The following EIF3A variants were observed in gnomAD, a reference collection of about 807,000 sequenced individuals.
The protein encoded by EIF3A is eukaryotic translation initiation factor 3 subunit A.
Under a neutral mutation model 186.6 loss-of-function variants are expected in EIF3A, and 21 were observed. The observed-to-expected ratio is 0.11, with a 90% confidence interval of 0.08 to 0.16. The LOEUF is 0.16. Ranked by LOEUF, EIF3A falls within the 10% of genes least tolerant of loss-of-function variation. EIF3A has a pLI of 1.00. For synonymous variants in EIF3A, 563 were observed against 584.3 expected (o/e 0.96, Z 0.52); for missense variants, 1,306 against 1,796.3 (o/e 0.73, Z 4.93).
Position 119,073,122 on chromosome 10 carries a change from A to C in EIF3A, c.378-69T>G. On this transcript the variant is annotated intron_variant, in intron 3 of 21. Transcript: ENST00000369144. ...ACTTTGCCATGTGATTAAAAACCAA[A>C]ACAATGTTCATCAGAAAACAGTGCA... The C allele has an allele frequency of 2.8e-6, 4 of 1,442,350 alleles. No homozygotes were observed. In the South Asian group the frequency reaches 5.4e-5, roughly 19 times the overall value. The allele number at this position is 1,442,350 out of a possible 1,614,324, so 89.3% of individuals were successfully genotyped here.
intron 1 of EIF3A, among the ~76,000 whole-genome samples, chr10:119,078,436 T>C (rs938762098): frequency 6.6e-6 from 1 of 152,232 alleles, no homozygotes; most frequent in Non-Finnish European, 1.5e-5. Context: ...TAGGTCTAAA[T>C]ATTGTTAGGA....
intron 7 of EIF3A, among the ~76,000 whole-genome samples, chr10:119,064,698 C>G (rs2119819793): frequency 6.6e-6 from 1 of 152,132 alleles, no homozygotes; most frequent in Admixed American, 6.5e-5. Context: ...TACCCAGTGT[C>G]AGGTACTTCT....
rs1564747052 is a variant in EIF3A at position 119,035,979 on chromosome 10, T to C, written c.*60A>G. On this transcript the variant is annotated 3_prime_UTR_variant, in exon 22 of 22. Transcript: ENST00000369144. ...TAGATTGGTTGAAGCACAAGTATAA[T>C]AATCCTTGAATGTGATCAAACCTAT... The C allele has an allele frequency of 1.6e-5, 21 of 1,291,334 alleles. No homozygotes were observed. The highest frequency in any genetic ancestry group is 2.2e-5 in the Non-Finnish European group (20 of 890,316). 80.0% of individuals were successfully genotyped at this position (1,291,334 alleles called of 1,614,324 possible).
intron 17 of EIF3A, among the ~76,000 whole-genome samples, chr10:119,045,090 GCCTGC>G (rs1848266808): frequency 6.6e-6 from 1 of 151,748 alleles, no homozygotes; most frequent in African/African-American, 2.4e-5. Context: ...GACTACAAGC[GCCTGC>G]CTCCATGCCC....
At chr10:119,074,918 C>CAAAAA (rs1170284096) in intron 1 of EIF3A, among the ~76,000 whole-genome samples, 19 of 24,132 alleles carry the variant, frequency 7.9e-4, no homozygotes, top group Non-Finnish European at 1.3e-3. Flanking sequence ...AACTCCAACT[C>CAAAAA]AAAAAAAAAA....
intron 1 of EIF3A, among the ~76,000 whole-genome samples, chr10:119,077,685 G>C (rs1250920300): frequency 6.6e-6 from 1 of 151,598 alleles, no homozygotes; most frequent in East Asian, 2.0e-4. Context: ...TTCCTGAGTA[G>C]CTGGGACTAC....
At chr10:119,075,705 A>G (rs1270095683) in intron 1 of EIF3A, among the ~76,000 whole-genome samples, 1 of 137,522 alleles carries the variant, frequency 7.3e-6, no homozygotes, top group Non-Finnish European at 1.5e-5. Flanking sequence ...TTTCCTTGGA[A>G]AAAGACTTTT....
rs771703503 is a variant in EIF3A, at chr10:119,042,428, G to A, written c.3092C>T (p.Thr1031Ile). Reference sequence around the variant, plus strand: ...TCTTGGTCCTCTGTCCTCATCAGCTGTTCGCCAGCTTCCTCTGTCCTCATC... The same window carrying A: ...TCTTGGTCCTCTGTCCTCATCAGCTATTCGCCAGCTTCCTCTGTCCTCATC... ...GLDEDRGSWR[T>I]ADEDRGPRRG... The change falls in exon 19 of 22, where the codon ACA (threonine) becomes ATA (isoleucine). Residue 1031 changes from threonine to isoleucine, a missense_variant. Physicochemically the swap from Thr to Ile is moderately conservative, Grantham distance 89. This residue lies in a region of EIF3A where 410 missense variants were observed against 473.5 expected (regional missense o/e 0.87). Transcript: ENST00000369144. This position sits in a 1 kb window ranked among gnomAD's most constrained non-coding sequence, Gnocchi z 7.8. 8.7e-6 allele frequency: 14 copies of A among 1,613,954 alleles called. No individual in the cohort carries two copies. The highest frequency in any genetic ancestry group is 1.3e-5 in the African/African-American group (1 of 74,948).
At chr10:119,050,098 G>C (rs1253333122) in intron 16 of EIF3A, 113 bp from the exon 17 acceptor site, 1 of 1,056,644 alleles carries the variant, frequency 9.5e-7, no homozygotes, top group Admixed American at 2.3e-5. Context: ...AAAAGAATTT[G>C]AAAATAGTTT....
rs190946658 is a variant in EIF3A, at chr10:119,074,745, C to G, written c.50-808G>C. Among the ~76,000 whole-genome samples the G allele has an allele frequency of 1.1e-4, 16 of 151,028 alleles. 1 individual carries two copies. Among genetic ancestry groups the G allele is most frequent in the Admixed American group, 5.9e-4 (9 of 15,150 alleles). ...GGTTGGGAGTTCAAGACCAGCCTAACCAAAATGGAGAAACCAAGTCTCTAC... is the reference window on the plus strand; with the variant it reads ...GGTTGGGAGTTCAAGACCAGCCTAAGCAAAATGGAGAAACCAAGTCTCTAC... On this transcript the variant is annotated intron_variant, in intron 1 of 21. Coordinates refer to ENST00000369144, the MANE Select transcript of EIF3A (RefSeq NM_003750.4).
intron 7 of EIF3A, among the ~76,000 whole-genome samples, chr10:119,064,708 T>C (rs2119819794): frequency 6.6e-6 from 1 of 152,300 alleles, no homozygotes; most frequent in Non-Finnish European, 1.5e-5. Context: ...CAGGTACTTC[T>C]TTTTTGTTTG....
At chr10:119,065,703 A>G in intron 6 of EIF3A, 133 bp from the exon 7 acceptor site, 1 of 619,128 alleles carries the variant, frequency 1.6e-6, no homozygotes, top group Admixed American at 2.7e-5. Flanking sequence ...CACTATACTC[A>G]TAAATATTAT....
In EIF3A at chr10:119,037,165, G is replaced by T. The variant is rs774454537; in HGVS notation, c.3873C>A (p.Asp1291Glu). ...GTGGAGGTCCTCTTCGGTCCCTGTC[G>T]TCTCTTAGATCTCGTCTTTCTCTTA... Reference protein sequence around the residue: ...RDLRERRDLRDDRDRRGPPLR... With the variant: ...RDLRERRDLREDRDRRGPPLR... Residue 1291 changes from aspartate (D) to glutamate (E), a missense_variant, in exon 21 of 22, where the codon GAC becomes GAA. Coordinates refer to ENST00000369144, the MANE Select transcript of EIF3A (RefSeq NM_003750.4). 5 of 1,611,652 alleles carry T rather than the reference G, an allele frequency of 3.1e-6. No homozygotes were observed. The East Asian group carries it at 8.9e-5, about 29-fold the overall frequency.
chr10:119,059,580 T>C, intron 10 of EIF3A, 22 bp downstream of exon 10: 1 of 1,573,150 alleles, frequency 6.4e-7, no homozygotes, highest in South Asian at 1.1e-5. Context: ...CCTTCTCCTG[T>C]CTCCTTACAG....
intron 17 of EIF3A, among the ~76,000 whole-genome samples, chr10:119,049,249 C>T (rs941937528): frequency 1.3e-5 from 2 of 152,120 alleles, no homozygotes; most frequent in Non-Finnish European, 2.9e-5. Context: ...TGTTTGAGGT[C>T]AGGAGTTCAA....
Position 119,058,208 on chromosome 10 carries a change from A to G in EIF3A, c.1725T>C (p.Ile575=). 6.2e-7 allele frequency: 1 copy of G among 1,613,638 alleles called. No individual in the cohort carries two copies. The highest frequency in any genetic ancestry group is 8.5e-7 in the Non-Finnish European group (1 of 1,179,914). The change falls in exon 12 of 22, where the codon ATT becomes ATC. Residue 575 remains isoleucine (I), a synonymous_variant. Transcript: ENST00000369144. Reference sequence around the variant, plus strand: ...TCTCAAGGCGCTCTTTTCTCTCCTCAATTGTCTGGCGGCGAGCCAGGATCC... The same window carrying G: ...TCTCAAGGCGCTCTTTTCTCTCCTCGATTGTCTGGCGGCGAGCCAGGATCC... ...HQRILARRQT[I]EERKERLESL... is the part of the protein sequence containing the mutation.
At chr10:119,054,928 A>G (rs1240864977) in intron 14 of EIF3A, among the ~76,000 whole-genome samples, 2 of 151,570 alleles carry the variant, frequency 1.3e-5, no homozygotes, top group African/African-American at 4.8e-5. Flanking sequence ...ACCTCTCAGG[A>G]GCTGGGCACA....
At chr10:119,056,875 G>A (rs779581786) in intron 13 of EIF3A, 22 bp from the exon 14 acceptor site, 12 of 1,593,110 alleles carry the variant, frequency 7.5e-6, no homozygotes, top group South Asian at 6.6e-5. Context: ...GAAAACACAC[G>A]TAGTTTTAAA....
rs1848144776 is a variant in EIF3A, at chr10:119,037,231, A to G, written c.3807T>C (p.Asp1269=). 2 of 1,613,752 alleles carry G rather than the reference A, an allele frequency of 1.2e-6. No individual in the cohort carries two copies. Among genetic ancestry groups the G allele is most frequent in the Non-Finnish European group, 1.7e-6 (2 of 1,179,912 alleles). The change falls in exon 21 of 22, where the codon GAT becomes GAC. Residue 1269 remains aspartate (D), a synonymous_variant. Transcript: ENST00000369144. ...CCCTCTCACGGCGACGGTCATCCCT[A>G]TCCCTATCGTCCCGGCGACTTGAGT... ...WRDSSRRDDR[D]RDDRRRERDD...
Sources: gnomAD v4.1 joint callset for allele counts (sites outside exome capture counted in the v4.1 genomes callset) on GRCh38, gnomAD v4.1.1 for gene constraint, gnomAD v4.1.1 regional missense constraint, Gnocchi (gnomAD v3.1) non-coding constraint, MANE v1.5 for transcripts, NCBI Gene and HGNC (gene_info 2026-07-23, HGNC 2026-07-21) for gene names.